The following GIPR variants were observed in gnomAD, a reference collection of about 807,000 sequenced individuals.
GIPR encodes the protein gastric inhibitory polypeptide receptor, also known as GIP-R.
GIPR carries 74 observed loss-of-function variants against 62.2 expected under a neutral mutation model. The observed-to-expected ratio is 1.19, with a 90% confidence interval of 0.99 to 1.44. The LOEUF is 1.44. Among genes scored for constraint, GIPR ranks in the 40% most tolerant of loss-of-function variants. The pLI, the probability that GIPR is intolerant of heterozygous loss-of-function variation, is 0.00. For missense variants in GIPR, 664 were observed against 611.8 expected, an observed-to-expected ratio of 1.09 and a Z score of -0.90; for synonymous variants, 256 against 262.2, an observed-to-expected ratio of 0.98 and a Z score of 0.23.
At chr19:45,678,643 G>A (rs1400905109) in intron 12 of GIPR, among the ~76,000 whole-genome samples, 5 of 152,204 alleles carry the variant, frequency 3.3e-5, no homozygotes, top group Admixed American at 3.3e-4. Context: ...GATTACAGGC[G>A]TGAGCCATGG....
intron 7 of GIPR, 104 bp from the exon 8 acceptor site, chr19:45,676,845 C>T: frequency 9.6e-7 from 1 of 1,036,906 alleles, no homozygotes; most frequent in Non-Finnish European, 1.5e-6. Flanking sequence ...GTGGAAGAAC[C>T]TTTGATGGCA....
intron 5 of GIPR, among the ~76,000 whole-genome samples, chr19:45,673,451 G>A (rs553406842): frequency 6.8e-6 from 1 of 147,510 alleles, no homozygotes; most frequent in African/African-American, 2.5e-5. Flanking sequence ...AAAGAATGCT[G>A]TAGTTGGGCC....
At position 45,671,354 on chromosome 19, in the gene GIPR, G is replaced by T. The variant is rs1975530933; in HGVS notation, c.242G>T (p.Arg81Leu). The change falls in exon 4 of 14, where the codon CGT (arginine) becomes CTT (leucine). Residue 81 changes from arginine (R) to leucine (L), a missense_variant. Physicochemically the swap from Arg to Leu is moderately radical, Grantham distance 102. Transcript: ENST00000590918. ...WDYAAPNATA[R>L]ASCPWYLPWH... ...TATGCTGCACCCAATGCCACTGCCC[G>T]TGCGTCCTGCCCCTGGTACCTGCCC... 6 of 1,612,028 alleles carry T rather than the reference G, an allele frequency of 3.7e-6. No individual in the cohort carries two copies. Among genetic ancestry groups the T allele is most frequent in the Non-Finnish European group, 5.1e-6 (6 of 1,179,504 alleles).
chr19:45,680,067 G>A (rs540344551), intron 12 of GIPR, among the ~76,000 whole-genome samples: 1 of 152,230 alleles, frequency 6.6e-6, no homozygotes, highest in South Asian at 2.1e-4. Flanking sequence ...ACCGCGCCTG[G>A]CCAAGATCCT....
At chr19:45,678,533 T>C in intron 12 of GIPR, 1 of 432,994 alleles carries the variant, frequency 2.3e-6, no homozygotes, top group Non-Finnish European at 4.3e-6. Flanking sequence ...CTGGCTAATT[T>C]TGTATTTTTA....
Position 45,683,718 on chromosome 19 carries a change from C to T in GIPR, c.*1783C>T, listed in dbSNP as rs1967355607. On this transcript the variant is annotated 3_prime_UTR_variant, in exon 14 of 14. Coordinates refer to ENST00000590918, the MANE Select transcript of GIPR (RefSeq NM_000164.4). ...GCTCTTGTAAATAAAGTATAAGAAA[C>T]AGTTGCTTTTTTTCTTTCTTGGGTA... 1 of 152,180 alleles carries T rather than the reference C, an allele frequency of 6.6e-6. No individual in the cohort carries two copies. Among genetic ancestry groups the T allele is most frequent in the Non-Finnish European group, 1.5e-5 (1 of 68,038 alleles). The allele number at this position is 152,180 out of a possible 1,614,324, so 9.4% of individuals were successfully genotyped here.
At position 45,674,733 on chromosome 19, in the gene GIPR, C is replaced by T. The variant is rs1313133743; in HGVS notation, c.540C>T (p.Phe180=). Residue 180 remains phenylalanine, a synonymous_variant, in exon 7 of 14, where the codon TTC becomes TTT. Coordinates refer to ENST00000590918, the MANE Select transcript of GIPR (RefSeq NM_000164.4). ...TCCACATCAACCTGTTCACGTCTTT[C>T]ATGCTGCGAGCTGCGGCCATTCTCA... ...NYIHINLFTS[F]MLRAAAILSR... The T allele has an allele frequency of 2.5e-6, 4 of 1,614,040 alleles. No homozygotes were observed. Among genetic ancestry groups the T allele is most frequent in the Admixed American group, 3.3e-5 (2 of 60,002 alleles).
At chr19:45,678,024 A>AG in intron 11 of GIPR, 30 bp downstream of exon 11, 3 of 1,612,302 alleles carry the variant, frequency 1.9e-6, no homozygotes, top group Non-Finnish European at 2.5e-6. Flanking sequence ...ACCGAGGGGA[A>AG]GGGGCCGGGT....
intron 12 of GIPR, among the ~76,000 whole-genome samples, chr19:45,679,483 G>GAAAA (rs572702775): frequency 9.7e-6 from 1 of 103,250 alleles, no homozygotes; most frequent in Non-Finnish European, 1.9e-5. Context: ...CATGTCTCAA[G>GAAAA]AAAAAAAAAA....
chr19:45,671,885 G>A (rs968511834), intron 4 of GIPR, among the ~76,000 whole-genome samples: 3 of 151,894 alleles, frequency 2.0e-5, no homozygotes, highest in Non-Finnish European at 4.4e-5. Context: ...GCTTCCCAAA[G>A]TTCTGGGATT....
At chr19:45,680,883 T>G (rs1967192535) in intron 12 of GIPR, among the ~76,000 whole-genome samples, 1 of 144,330 alleles carries the variant, frequency 6.9e-6, no homozygotes, top group Admixed American at 6.9e-5. Context: ...GGCAACACAA[T>G]CACCCTAAAT....
At chr19:45,678,685 T>C (rs1967086184) in intron 12 of GIPR, among the ~76,000 whole-genome samples, 1 of 152,132 alleles carries the variant, frequency 6.6e-6, no homozygotes. Context: ...CGATACAAAA[T>C]ACTGAGCTAG....
chr19:45,674,668 C>A lies in GIPR; in HGVS notation c.489-14C>A. On this transcript the variant is annotated splice_polypyrimidine_tract_variant and intron_variant, in intron 6 of 13. Coordinates refer to ENST00000590918, the MANE Select transcript of GIPR (RefSeq NM_000164.4). ...TCTCCAGGGGCCCCCACACTGCCTT[C>A]CAAATTCCCCTAGGCGGCTACATTG... 6.2e-7 allele frequency: 1 copy of A among 1,613,822 alleles called. No individual in the cohort carries two copies. The highest frequency in any genetic ancestry group is 8.5e-7 in the Non-Finnish European group (1 of 1,179,896).
At chr19:45,669,712 G>A (rs1600284110) in intron 2 of GIPR, 120 bp downstream of exon 2, 3 of 1,331,876 alleles carry the variant, frequency 2.3e-6, no homozygotes, top group Non-Finnish European at 3.0e-6. Flanking sequence ...TTGGGAGGCC[G>A]AAGCGGGTGG....
In GIPR at chr19:45,675,275, A is replaced by C. The variant is rs1212270253; in HGVS notation, c.633+449A>C. On this transcript the variant is annotated intron_variant, in intron 7 of 13. Transcript: ENST00000590918. ...ACTTGTTGAAAGTTGGACCATACCA[A>C]TTGTTAAGAAGCCGCACGCACCCAG... is the stretch of plus-strand genomic sequence containing the variant. The C allele has an allele frequency of 1.5e-5, 3 of 198,492 alleles. No homozygotes were observed. The Admixed American group carries it at 1.6e-4, about 11-fold the overall frequency. The allele number at this position is 198,492 out of a possible 1,614,324, so 12.3% of individuals were successfully genotyped here. A position where few individuals can be genotyped will look rare whatever the true frequency, so the allele number is the denominator to read the frequency against.
rs1967270906 is a variant in GIPR, at chr19:45,681,952, G to A, written c.*17G>A. ...TACTGCTAGGGGGCGGGATCCCCGT[G>A]TCTGTTCAGTTAGCATGGATTTATT... is the stretch of plus-strand genomic sequence containing the variant. On this transcript the variant is annotated 3_prime_UTR_variant, in exon 14 of 14. Coordinates refer to ENST00000590918, the MANE Select transcript of GIPR (RefSeq NM_000164.4). 8 of 1,549,468 alleles carry A rather than the reference G, an allele frequency of 5.2e-6. No individual in the cohort carries two copies. Among genetic ancestry groups the A allele is most frequent in the Middle Eastern group, 1.7e-4 (1 of 5,982 alleles).
rs5390 is a variant in GIPR at position 45,669,519 on chromosome 19, C to G, written c.-2C>G. ...CGAACCAGACCCTTCGCCGCCCTCA[C>G]GATGACTACCTCTCCGATCCTGCAG... On this transcript the variant is annotated 5_prime_UTR_variant, in exon 2 of 14. Transcript: ENST00000590918. The G allele has an allele frequency of 9.2e-3, 14,411 of 1,573,550 alleles. 1,135 individuals carry two copies. The African/African-American group carries it at 0.17, about 19-fold the overall frequency.
intron 7 of GIPR, 90 bp from the exon 8 acceptor site, chr19:45,676,859 G>A: frequency 8.7e-7 from 1 of 1,152,648 alleles, no homozygotes; most frequent in Non-Finnish European, 1.3e-6. Context: ...GATGGCAAGA[G>A]ACGGGGTGGA....
Position 45,678,179 on chromosome 19 carries a change from C to A in GIPR, c.1105C>A (p.Leu369Met). ...PVTEEQARGALRFAKLGFEIF... is the reference protein window; with the variant it reads ...PVTEEQARGAMRFAKLGFEIF... The stretch of plus-strand genomic sequence containing the variant: ...GACAGAGGAACAGGCCCGGGGCGCC[C>A]TGCGCTTCGCCAAGCTCGGCTTTGA... Residue 369 changes from leucine (L) to methionine (M), a missense_variant, in exon 12 of 14, where the codon CTG becomes ATG. Coordinates refer to ENST00000590918, the MANE Select transcript of GIPR (RefSeq NM_000164.4). 6.3e-7 allele frequency: 1 copy of A among 1,596,234 alleles called. No homozygotes were observed. The highest frequency in any genetic ancestry group is 1.1e-5 in the South Asian group (1 of 89,302).
Sources: allele counts gnomAD v4.1 joint callset (sites outside exome capture counted in the v4.1 genomes callset), GRCh38; gene constraint gnomAD v4.1.1; transcripts MANE v1.5; gene names NCBI Gene and HGNC (gene_info 2026-07-23, HGNC 2026-07-21).